The following FAM186A variants were observed in gnomAD, a reference collection of about 807,000 sequenced individuals.
FAM186A encodes protein FAM186A.
Under a neutral mutation model 216.8 loss-of-function variants are expected in FAM186A, and 163 were observed. The ratio of observed to expected loss-of-function variants is 0.75; its 90% CI spans 0.66 to 0.86. The LOEUF (loss-of-function observed/expected upper bound fraction) is 0.86, where lower values mean the gene tolerates loss of function less well. Among genes scored for constraint, FAM186A ranks in the 40% least tolerant of loss-of-function variants. The probability of loss-of-function intolerance (pLI) is 0.00; values close to 1 mark genes in which losing one functional copy is unlikely to be tolerated. For synonymous variants in FAM186A, 805 were observed against 1,025.3 expected, an observed-to-expected ratio of 0.79 and a Z score of 4.10; for missense variants, 2,184 against 2,746.2, an observed-to-expected ratio of 0.80 and a Z score of 4.58.
intron 1 of FAM186A, among the ~76,000 whole-genome samples, chr12:50,389,583 G>T (rs1943338891): frequency 6.6e-6 from 1 of 152,162 alleles, no homozygotes; most frequent in Non-Finnish European, 1.5e-5. Flanking sequence ...TGAGATAGAA[G>T]ACCGAAGCTG....
chr12:50,363,880 A>T (rs1279058921), intron 1 of FAM186A, among the ~76,000 whole-genome samples: 1 of 152,100 alleles, frequency 6.6e-6, no homozygotes, highest in Non-Finnish European at 1.5e-5. Flanking sequence ...CTTTTCTTTC[A>T]TTATCTCCTT....
At chr12:50,349,565 T>G (rs1942854382) in intron 4 of FAM186A, among the ~76,000 whole-genome samples, 1 of 152,172 alleles carries the variant, frequency 6.6e-6, no homozygotes, top group Non-Finnish European at 1.5e-5. Context: ...CATGTGAAGT[T>G]TGTCTTTCTG....
At chr12:50,364,409 T>TG (rs1470363051) in intron 1 of FAM186A, among the ~76,000 whole-genome samples, 1 of 150,864 alleles carries the variant, frequency 6.6e-6, no homozygotes, top group Admixed American at 6.6e-5. Flanking sequence ...ATACAAAAAA[T>TG]TAGCTGGGCG....
rs1047390793 is a variant in FAM186A at position 50,355,503 on chromosome 12, T to A, written c.1329A>T (p.Lys443Asn). The A allele has an allele frequency of 5.2e-6, 8 of 1,551,218 alleles. No individual in the cohort carries two copies. In the African/African-American group the frequency reaches 1.1e-4, roughly 21 times the overall value. ...DSTKDNVSLK[K>N]GDFYQEDETD... ...TCTCATCTTCCTGATAGAAATCACCTTTCTTCAATGATACGTTATCTTTAG... is the reference window on the plus strand; with the variant it reads ...TCTCATCTTCCTGATAGAAATCACCATTCTTCAATGATACGTTATCTTTAG... Residue 443 changes from lysine (K) to asparagine (N), a missense_variant, in exon 4 of 8, where the codon AAA (lysine) becomes AAT (asparagine). This residue lies in a region of FAM186A where 1,132 missense variants were observed against 1,263.4 expected (regional missense o/e 0.90). Coordinates refer to ENST00000327337, the MANE Select transcript of FAM186A (RefSeq NM_001145475.3).
At chr12:50,360,243 CAAAA>C (rs59070341) in intron 3 of FAM186A, among the ~76,000 whole-genome samples, 76,209 of 132,142 alleles carry the variant, frequency 0.58, 21,278 homozygotes, top group Non-Finnish European at 0.64. Flanking sequence ...TACCCTGTCT[CAAAA>C]AAAAAAAAAA....
At chr12:50,380,736 C>T (rs966271910) in intron 1 of FAM186A, among the ~76,000 whole-genome samples, 7 of 151,592 alleles carry the variant, frequency 4.6e-5, no homozygotes, top group Non-Finnish European at 7.4e-5. Context: ...TTTGGGGTGT[C>T]GCTTTTCTGG....
intron 4 of FAM186A, among the ~76,000 whole-genome samples, chr12:50,340,821 G>C (rs1480473126): frequency 6.9e-6 from 1 of 145,248 alleles, no homozygotes; most frequent in Non-Finnish European, 1.5e-5. Context: ...TTTTGAGACA[G>C]AGTCTTGCTC....
intron 4 of FAM186A, among the ~76,000 whole-genome samples, chr12:50,337,289 C>CTTTT (rs71441358): frequency 4.9e-4 from 34 of 69,656 alleles, no homozygotes; most frequent in African/African-American, 7.2e-4. Context: ...AGAGATAATT[C>CTTTT]TTTTTTTTTT....
intron 4 of FAM186A, 60 bp downstream of exon 4, chr12:50,350,269 A>T: frequency 7.3e-7 from 1 of 1,378,334 alleles, no homozygotes. Flanking sequence ...TGGGACAATG[A>T]CAGAAAATAT....
chr12:50,367,612 T>C (rs1021497167), intron 1 of FAM186A, among the ~76,000 whole-genome samples: 14 of 151,538 alleles, frequency 9.2e-5, no homozygotes, highest in African/African-American at 2.4e-4. Context: ...TGATCTTAAA[T>C]TGTAGAAACC....
At chr12:50,388,865 C>T (rs1260142689) in intron 1 of FAM186A, among the ~76,000 whole-genome samples, 1 of 151,820 alleles carries the variant, frequency 6.6e-6, no homozygotes. Flanking sequence ...CCAGCCTGGC[C>T]AACATGGAGA....
At chr12:50,383,278 A>AAAAAAAAAAATAG (rs1555218962) in intron 1 of FAM186A, among the ~76,000 whole-genome samples, 2 of 49,170 alleles carry the variant, frequency 4.1e-5, no homozygotes, top group Non-Finnish European at 8.8e-5. Context: ...AAAAAAAAAA[A>AAAAAAAAAAATAG]AGAGAGAGAG....
intron 4 of FAM186A, among the ~76,000 whole-genome samples, chr12:50,339,899 G>A (rs944521304): frequency 3.9e-4 from 59 of 152,012 alleles, no homozygotes; most frequent in Admixed American, 8.5e-4. Context: ...GTGCAGTGGC[G>A]CAATCTCGGT....
chr12:50,389,567 T>C (rs987143826), intron 1 of FAM186A, among the ~76,000 whole-genome samples: 1 of 152,158 alleles, frequency 6.6e-6, no homozygotes, highest in African/African-American at 2.4e-5. Flanking sequence ...CAAATTAATA[T>C]ACTCCTGAGA....
intron 1 of FAM186A, among the ~76,000 whole-genome samples, chr12:50,375,966 G>A (rs981631309): frequency 1.3e-5 from 2 of 152,072 alleles, no homozygotes; most frequent in Admixed American, 6.6e-5. Flanking sequence ...GGGTGTGTGA[G>A]CAAGCAAGTG....
intron 1 of FAM186A, among the ~76,000 whole-genome samples, chr12:50,363,970 T>C (rs1269721989): frequency 3.9e-5 from 6 of 152,198 alleles, no homozygotes. Context: ...CAAATCTCTT[T>C]TCTTCACTCT....
At chr12:50,344,868 G>A (rs1942797578) in intron 4 of FAM186A, among the ~76,000 whole-genome samples, 1 of 152,144 alleles carries the variant, frequency 6.6e-6, no homozygotes, top group Non-Finnish European at 1.5e-5. Context: ...CAGCTACTCG[G>A]AGGCTGATAT....
intron 1 of FAM186A, among the ~76,000 whole-genome samples, chr12:50,382,313 C>T (rs904221441): frequency 1.9e-4 from 29 of 149,960 alleles, no homozygotes; most frequent in Non-Finnish European, 3.4e-4. Flanking sequence ...GGCTGGTCAA[C>T]TTAAGCATGT....
chr12:50,391,348 C>T (rs1943355277), intron 1 of FAM186A, among the ~76,000 whole-genome samples: 3 of 150,864 alleles, frequency 2.0e-5, no homozygotes, highest in Admixed American at 1.3e-4. Context: ...GACAGAGTCT[C>T]GCTGTCACCC....
Sources: allele counts gnomAD v4.1 joint callset (sites outside exome capture counted in the v4.1 genomes callset), GRCh38; gene constraint gnomAD v4.1.1; regional missense constraint gnomAD v4.1.1; transcripts MANE v1.5; gene names NCBI Gene and HGNC (gene_info 2026-07-23, HGNC 2026-07-21).